FBXL17: variants seen among roughly 807,000 people sequenced by gnomAD.
FBXL17 encodes F-box and leucine rich repeat protein 17.
FBXL17 carries 22 observed loss-of-function variants against 66.2 expected under a neutral mutation model. The observed-to-expected ratio is 0.33, with a 90% CI of 0.24 to 0.47. The LOEUF is 0.47. Among genes scored for constraint, FBXL17 ranks in the 20% least tolerant of loss-of-function variants. The pLI is 1.00. For missense variants in FBXL17, 878 were observed against 948.2 expected (o/e 0.93, Z 0.97); for synonymous variants, 474 against 400.5 (o/e 1.18, Z -2.19).
In FBXL17 at chr5:108,024,032, T is replaced by C. The variant is rs145342120; in HGVS notation, c.1746-3031A>G. 3.8e-3 allele frequency among the ~76,000 whole-genome samples: 574 copies of C among 152,242 alleles called. 6 individuals carry two copies. Among genetic ancestry groups the C allele is most frequent in the African/African-American group, 0.013 (557 of 41,540 alleles). ...AAGCCATGAGTCTCTAAACTCAGAA[T>C]CTAGAATTCAAGTTATTCCTATTTT... On this transcript the variant is annotated intron_variant, in intron 6 of 8. Coordinates refer to ENST00000542267, the MANE Select transcript of FBXL17 (RefSeq NM_001163315.3).
intron 7 of FBXL17, among the ~76,000 whole-genome samples, chr5:107,914,769 A>G (rs1750072812): frequency 6.6e-6 from 1 of 152,198 alleles, no homozygotes; most frequent in African/African-American, 2.4e-5. Flanking sequence ...AGTCTGCCTG[A>G]GAATAACACC....
At chr5:108,024,408 G>A (rs1228428741) in intron 6 of FBXL17, among the ~76,000 whole-genome samples, 1 of 151,984 alleles carries the variant, frequency 6.6e-6, no homozygotes, top group Non-Finnish European at 1.5e-5. Context: ...TTACCTCCAG[G>A]GAATCACAGA....
chr5:108,143,345 T>TCACACACACA (rs1491283043), intron 6 of FBXL17, among the ~76,000 whole-genome samples: 2,735 of 129,260 alleles, frequency 0.021, 80 homozygotes, highest in African/African-American at 0.08. Context: ...AGAACAGCAT[T>TCACACACACA]CTCACACACA....
At chr5:107,918,995 G>C (rs1457289749) in intron 7 of FBXL17, among the ~76,000 whole-genome samples, 1 of 151,978 alleles carries the variant, frequency 6.6e-6, no homozygotes, top group African/African-American at 2.4e-5. Context: ...GATGAACCTG[G>C]GTGTCTGGCA....
chr5:108,158,509 CTGTG>C lies in FBXL17; in HGVS notation c.1745+27604_1745+27607del, dbSNP rs3984948. ...GACAGTGGGGCGTGTGTGTGTGTGTCTGTGTGTGTGTGTGTGTGTGTGTGCATCC... is the reference window on the plus strand; with the variant it reads ...GACAGTGGGGCGTGTGTGTGTGTGTCTGTGTGTGTGTGTGTGTGTGCATCC... On this transcript the variant is annotated intron_variant, in intron 6 of 8. Transcript: ENST00000542267. 4.5e-3 allele frequency among the ~76,000 whole-genome samples: 672 copies of C among 149,294 alleles called. 5 individuals are homozygous for C. The highest frequency in any genetic ancestry group is 0.016 in the East Asian group (83 of 5,058).
intron 6 of FBXL17, among the ~76,000 whole-genome samples, chr5:108,023,779 T>C (rs1246922375): frequency 1.3e-5 from 2 of 152,028 alleles, no homozygotes; most frequent in Non-Finnish European, 1.5e-5. Flanking sequence ...AAAAACAAAG[T>C]CATAAATCTT....
At chr5:108,200,844 C>T (rs1317516080) in intron 5 of FBXL17, among the ~76,000 whole-genome samples, 1 of 152,144 alleles carries the variant, frequency 6.6e-6, no homozygotes, top group African/African-American at 2.4e-5. Flanking sequence ...TACGTCTGGG[C>T]TAGAGAGCAA....
chr5:108,035,244 TAC>T (rs1359313323), intron 6 of FBXL17, among the ~76,000 whole-genome samples: 5 of 152,206 alleles, frequency 3.3e-5, no homozygotes, highest in South Asian at 2.1e-4. Context: ...CAAAAATTAA[TAC>T]AGAGTCCAAA....
intron 4 of FBXL17, among the ~76,000 whole-genome samples, chr5:108,288,991 C>A (rs1758008427): frequency 3.3e-5 from 5 of 151,972 alleles, no homozygotes; most frequent in Admixed American, 3.3e-4. Flanking sequence ...ACTATTGATG[C>A]CATTTATACC....
chr5:108,293,858 T>C (rs1440161918), intron 4 of FBXL17, among the ~76,000 whole-genome samples: 1 of 151,646 alleles, frequency 6.6e-6, no homozygotes, highest in Admixed American at 6.6e-5. Flanking sequence ...CTGGCCAACG[T>C]GGTGAAACCC....
At chr5:108,105,107 C>T (rs752763186) in intron 6 of FBXL17, among the ~76,000 whole-genome samples, 3 of 152,170 alleles carry the variant, frequency 2.0e-5, no homozygotes, top group Non-Finnish European at 4.4e-5. Flanking sequence ...TCCCGAAGTG[C>T]TGGGATTACA....
intron 7 of FBXL17, among the ~76,000 whole-genome samples, chr5:107,923,785 T>C (rs993496798): frequency 2.6e-5 from 4 of 152,152 alleles, no homozygotes; most frequent in Non-Finnish European, 5.9e-5. Flanking sequence ...CACAAATTTA[T>C]TGAGTGCCCA....
chr5:108,349,824 G>A (rs915099790), intron 3 of FBXL17, among the ~76,000 whole-genome samples: 3 of 152,044 alleles, frequency 2.0e-5, no homozygotes, highest in Non-Finnish European at 4.4e-5. Flanking sequence ...GAATTCAGGG[G>A]TTCCAGGAAA....
chr5:107,925,618 C>T (rs1750500857), intron 7 of FBXL17, among the ~76,000 whole-genome samples: 1 of 152,166 alleles, frequency 6.6e-6, no homozygotes, highest in Non-Finnish European at 1.5e-5. Flanking sequence ...GTTTCTTTTT[C>T]CTTTGGGTAG....
chr5:108,194,716 C>A (rs541561423), intron 5 of FBXL17, among the ~76,000 whole-genome samples: 64 of 152,286 alleles, frequency 4.2e-4, no homozygotes, highest in African/African-American at 1.5e-3. Flanking sequence ...TTGATTCATT[C>A]ATTCACATTC....
chr5:108,262,116 G>A (rs1248376330), intron 4 of FBXL17, among the ~76,000 whole-genome samples: 4 of 142,860 alleles, frequency 2.8e-5, no homozygotes, highest in African/African-American at 7.9e-5. Flanking sequence ...TCGCTCTGTC[G>A]CCCAGGCTGG....
intron 5 of FBXL17, among the ~76,000 whole-genome samples, chr5:108,219,928 CTTTTTT>C: frequency 1.5e-3 from 56 of 37,456 alleles, no homozygotes; most frequent in African/African-American, 6.5e-3. Context: ...TTACTATTTC[CTTTTTT>C]TTTTTTTTTT....
chr5:107,991,082 CAG>C (rs1308664120), intron 7 of FBXL17, among the ~76,000 whole-genome samples: 1 of 151,278 alleles, frequency 6.6e-6, no homozygotes, highest in Non-Finnish European at 1.5e-5. Flanking sequence ...AAAAAGGAAA[CAG>C]AAAACTGTAG....
At chr5:107,874,981 T>C (rs1013122202) in intron 8 of FBXL17, among the ~76,000 whole-genome samples, 1 of 152,168 alleles carries the variant, frequency 6.6e-6, no homozygotes, top group African/African-American at 2.4e-5. Context: ...CCCCTTTCTT[T>C]TGGGGCACAT....
Sources: allele counts gnomAD v4.1 joint callset (sites outside exome capture counted in the v4.1 genomes callset), GRCh38; gene constraint gnomAD v4.1.1; transcripts MANE v1.5; gene names NCBI Gene and HGNC (gene_info 2026-07-23, HGNC 2026-07-21).